MON2: variants seen among roughly 807,000 people sequenced by gnomAD.
The protein encoded by MON2 is MON2 regulator of endosome-to-Golgi trafficking, also known as protein MON2 homolog.
MON2 carries 84 observed loss-of-function variants against 208.6 expected under a neutral mutation model. The observed-to-expected ratio is 0.40, with a 90% CI of 0.34 to 0.48. The LOEUF (loss-of-function observed/expected upper bound fraction) is 0.48. MON2 is among the 20% of genes least tolerant of loss of function. MON2 has a pLI of 0.59. For synonymous variants in MON2, 660 were observed against 694.0 expected (o/e 0.95, Z 0.77); for missense variants, 1,611 against 2,015.4 (o/e 0.80, Z 3.84).
intron 8 of MON2, among the ~76,000 whole-genome samples, chr12:62,520,996 TA>T (rs71086606): frequency 0.36 from 52,827 of 148,390 alleles, 9,588 homozygotes; most frequent in African/African-American, 0.38. Context: ...GGCTCTTTTT[TA>T]AAAAAAAAAT....
rs1332215893 is a variant in MON2 at position 62,585,121 on chromosome 12, AAAAC to A, written c.4700-169_4700-166del. Among the ~76,000 whole-genome samples, 604 of 137,104 alleles carry A rather than the reference AAAAC, an allele frequency of 4.4e-3. 51 individuals carry two copies. The highest frequency in any genetic ancestry group is 9.8e-3 in the African/African-American group (369 of 37,536). 89.9% of individuals were successfully genotyped at this position (137,104 alleles called of 152,430 possible). Reference sequence around the variant, plus strand: ...CACACACACACACACAAAACAAAAAAAAACAAAAAAAAAACACATTTTCACTATA... The same window carrying A: ...CACACACACACACACAAAACAAAAAAAAAAAAAAAACACATTTTCACTATA... On this transcript the variant is annotated intron_variant, in intron 32 of 34. Coordinates refer to ENST00000393630, the MANE Select transcript of MON2 (RefSeq NM_015026.3).
chr12:62,535,009 G>A (rs1322971889), intron 13 of MON2, 83 bp downstream of exon 13: 1 of 1,011,426 alleles, frequency 9.9e-7, no homozygotes, highest in Non-Finnish European at 1.5e-6. Flanking sequence ...TTTGTCCCTA[G>A]AATTATTTTC....
chr12:62,537,802 CT>C (rs2073047671), intron 16 of MON2, 96 bp downstream of exon 16: 5 of 937,006 alleles, frequency 5.3e-6, no homozygotes, highest in African/African-American at 3.4e-5. Flanking sequence ...TTGGACAGGC[CT>C]AAAAAATAGA....
At chr12:62,537,081 A>T in intron 14 of MON2, 70 bp from the exon 15 acceptor site, 1 of 913,296 alleles carries the variant, frequency 1.1e-6, no homozygotes, top group Non-Finnish European at 1.6e-6. Context: ...ATCAAACTTT[A>T]AATATAACAT....
chr12:62,543,491 T>C (rs1407167737), intron 20 of MON2, among the ~76,000 whole-genome samples: 1 of 152,240 alleles, frequency 6.6e-6, no homozygotes, highest in Non-Finnish European at 1.5e-5. Flanking sequence ...AGTCTCTTGA[T>C]CCACCTCACC....
chr12:62,532,793 C>T (rs1308794269), intron 12 of MON2, 123 bp downstream of exon 12: 12 of 698,820 alleles, frequency 1.7e-5, no homozygotes, highest in Non-Finnish European at 2.9e-5. Context: ...CCACATTTAC[C>T]TTACCATTTT....
At position 62,549,652 on chromosome 12, in the gene MON2, T is replaced by C. The variant is rs1314477441; in HGVS notation, c.2754-16T>C. The C allele has an allele frequency of 1.9e-6, 3 of 1,577,020 alleles. No individual in the cohort carries two copies. Among genetic ancestry groups the C allele is most frequent in the Non-Finnish European group, 2.6e-6 (3 of 1,166,288 alleles). ...AATAAAATAAGTGCATCTGTATACATTTCTTTTGTTTTCAGAGAATCCTTG... is the reference window on the plus strand; with the variant it reads ...AATAAAATAAGTGCATCTGTATACACTTCTTTTGTTTTCAGAGAATCCTTG... On this transcript the variant is annotated splice_polypyrimidine_tract_variant and intron_variant, in intron 22 of 34. Transcript: ENST00000393630.
chr12:62,549,529 A>T (rs2073650742), intron 22 of MON2, 139 bp from the exon 23 acceptor site: 5 of 586,156 alleles, frequency 8.5e-6, no homozygotes, highest in Non-Finnish European at 2.7e-6. Flanking sequence ...AGGTGGGAGG[A>T]TCACATGATC....
chr12:62,581,515 C>T (rs1220060453), intron 32 of MON2, among the ~76,000 whole-genome samples: 1 of 152,120 alleles, frequency 6.6e-6, no homozygotes, highest in Non-Finnish European at 1.5e-5. Flanking sequence ...TGTACCACTG[C>T]ATTTTAGAGT....
Position 62,556,031 on chromosome 12 carries a change from C to T in MON2, c.3248C>T (p.Ser1083Phe). ...CTACTGGACAGAGTTCGAGAGTCCT[C>T]TACCACTGCAGACAAAGAAAAGATT... is the stretch of plus-strand genomic sequence containing the variant. ...FHLLDRVRES[S>F]TTADKEKIES... The change falls in exon 25 of 35, where the codon TCT (serine) becomes TTT (phenylalanine). Residue 1083 changes from serine (S) to phenylalanine (F), a missense_variant. Transcript: ENST00000393630. 2 of 1,613,506 alleles carry T rather than the reference C, an allele frequency of 1.2e-6. No homozygotes were observed. The highest frequency in any genetic ancestry group is 1.7e-6 in the Non-Finnish European group (2 of 1,179,752).
intron 8 of MON2, 33 bp from the exon 9 acceptor site, chr12:62,524,482 A>G: frequency 6.5e-7 from 1 of 1,540,532 alleles, no homozygotes; most frequent in South Asian, 1.1e-5. Context: ...TCTTTGATTC[A>G]AAGAAATAGT....
At chr12:62,521,274 G>A (rs2072026450) in intron 8 of MON2, among the ~76,000 whole-genome samples, 1 of 152,136 alleles carries the variant, frequency 6.6e-6, no homozygotes, top group Middle Eastern at 3.4e-3. Flanking sequence ...CTCCCAAAGT[G>A]GAAGGATTAC....
At chr12:62,525,565 G>C (rs1002887413) in intron 10 of MON2, among the ~76,000 whole-genome samples, 2 of 36,344 alleles carry the variant, frequency 5.5e-5, no homozygotes, top group Admixed American at 3.9e-4. Context: ...CTCTTAAAGG[G>C]GTTAACATGG....
chr12:62,537,106 T>A (rs2073012817), intron 14 of MON2, 45 bp from the exon 15 acceptor site: 1 of 1,164,334 alleles, frequency 8.6e-7, no homozygotes, highest in African/African-American at 1.6e-5. Flanking sequence ...TTAAATGCAA[T>A]ATAAAAATAT....
At position 62,497,176 on chromosome 12, in the gene MON2, AG is replaced by A. The variant is rs1321417256; in HGVS notation, c.436-1737del. Among the ~76,000 whole-genome samples the A allele has an allele frequency of 1.2e-4, 8 of 64,228 alleles. No homozygotes were observed. In the Admixed American group the frequency reaches 1.4e-3, roughly 11 times the overall value. 42.1% of individuals were successfully genotyped at this position (64,228 alleles called of 152,430 possible). A position where few individuals can be genotyped will look rare whatever the true frequency, so the allele number is the denominator to read the frequency against. ...CTGTTGTGGGGTTGGGGGAGGGGGG[AG>A]GGGGGAGGGATAGCATTAGGAGATA... On this transcript the variant is annotated intron_variant, in intron 4 of 34. Coordinates refer to ENST00000393630, the MANE Select transcript of MON2 (RefSeq NM_015026.3).
chr12:62,590,131 C>T (rs2075349745), intron 34 of MON2, among the ~76,000 whole-genome samples: 1 of 152,084 alleles, frequency 6.6e-6, no homozygotes, highest in Non-Finnish European at 1.5e-5. Context: ...TGCTCTGTCG[C>T]CCAGGCTAGT....
At chr12:62,549,941 C>A in intron 23 of MON2, 111 bp downstream of exon 23, 1 of 610,144 alleles carries the variant, frequency 1.6e-6, no homozygotes, top group Non-Finnish European at 2.5e-6. Context: ...GTTTATATGG[C>A]TTTTAAATTT....
At chr12:62,551,688 A>G (rs974513409) in intron 23 of MON2, among the ~76,000 whole-genome samples, 1 of 152,246 alleles carries the variant, frequency 6.6e-6, no homozygotes, top group Non-Finnish European at 1.5e-5. Context: ...GTGAAGCACA[A>G]CAAAGAGAAG....
intron 11 of MON2, among the ~76,000 whole-genome samples, chr12:62,527,235 G>C (rs2072378795): frequency 6.6e-6 from 1 of 151,934 alleles, no homozygotes; most frequent in African/African-American, 2.4e-5. Flanking sequence ...GTACAGCCTG[G>C]GTAACTGTGA....
Sources: gnomAD v4.1 joint callset for allele counts (sites outside exome capture counted in the v4.1 genomes callset) on GRCh38, gnomAD v4.1.1 for gene constraint, MANE v1.5 for transcripts, NCBI Gene and HGNC (gene_info 2026-07-23, HGNC 2026-07-21) for gene names.